XKR3: variants seen among roughly 807,000 people sequenced by gnomAD.
XKR3 encodes the protein XK-related protein 3.
In XKR3, 27 loss-of-function variants were observed where a neutral mutation model predicts 40.3. The observed-to-expected ratio is 0.67, with a 90% CI of 0.49 to 0.92. The LOEUF (loss-of-function observed/expected upper bound fraction) is 0.92. XKR3 is among the 40% of genes least tolerant of loss of function. The pLI, the probability that XKR3 is intolerant of heterozygous loss-of-function variation, is 0.00. For missense variants in XKR3, 472 were observed against 537.6 expected (o/e 0.88, Z 1.21); for synonymous variants, 193 against 195.4 (o/e 0.99, Z 0.10).
intron 1 of XKR3, among the ~76,000 whole-genome samples, chr22:16,808,762 A>G (rs751461941): frequency 2.0e-5 from 3 of 152,204 alleles, no homozygotes; most frequent in Non-Finnish European, 4.4e-5. Flanking sequence ...ACCGCCAGAA[A>G]AATTACTGAC....
chr22:16,794,992 G>C (rs1379951628), intron 3 of XKR3, among the ~76,000 whole-genome samples: 1 of 152,276 alleles, frequency 6.6e-6, no homozygotes, highest in African/African-American at 2.4e-5. Flanking sequence ...CCGATTTGTA[G>C]AACAAGTTCT....
At chr22:16,797,993 G>A (rs1335763906) in intron 3 of XKR3, among the ~76,000 whole-genome samples, 1 of 151,342 alleles carries the variant, frequency 6.6e-6, no homozygotes, top group Non-Finnish European at 1.5e-5. Flanking sequence ...GGCCAATATA[G>A]CAAAACCTTG....
chr22:16,810,223 T>C (rs1459983680), intron 1 of XKR3, among the ~76,000 whole-genome samples: 2 of 152,314 alleles, frequency 1.3e-5, no homozygotes, highest in East Asian at 3.9e-4. Flanking sequence ...AGGAGTCTGT[T>C]GTACATATTC....
chr22:16,815,566 A>G (rs968594940), intron 1 of XKR3, among the ~76,000 whole-genome samples: 1 of 152,014 alleles, frequency 6.6e-6, no homozygotes. Flanking sequence ...ACATTTTTGA[A>G]CCAAGTAAAT....
chr22:16,821,563 G>T (rs566098660), intron 1 of XKR3: 8 of 151,984 alleles, frequency 5.3e-5, no homozygotes, highest in Non-Finnish European at 7.4e-5. Flanking sequence ...TACTCAGCAA[G>T]ATTTCGAAGG....
rs1250334068 is a variant in XKR3 at position 16,783,494 on chromosome 22, T to TAA, written c.*123_*124dup. 18 of 744,288 alleles carry TAA rather than the reference T, an allele frequency of 2.4e-5. No individual in the cohort carries two copies. The African/African-American group carries it at 3.2e-4, about 13-fold the overall frequency. The allele number at this position is 744,288 out of a possible 1,614,324, so 46.1% of individuals were successfully genotyped here. A position where few individuals can be genotyped will look rare whatever the true frequency, so the allele number is the denominator to read the frequency against. On this transcript the variant is annotated 3_prime_UTR_variant, in exon 4 of 4. Transcript: ENST00000684488. ...ACTAAGGCACGTTCACAGGAGAACA[T>TAA]AAATGAATTTTATTAGAAACCACTT...
intron 1 of XKR3, among the ~76,000 whole-genome samples, chr22:16,819,752 C>T (rs970654219): frequency 3.7e-4 from 56 of 152,182 alleles, no homozygotes; most frequent in African/African-American, 1.3e-3. Context: ...TGAAAAAAAT[C>T]TGATAAATTA....
At chr22:16,791,801 G>GAA (rs1319132329) in intron 3 of XKR3, among the ~76,000 whole-genome samples, 18 of 31,144 alleles carry the variant, frequency 5.8e-4, no homozygotes, top group African/African-American at 1.4e-3. Flanking sequence ...GAGAGAGAGA[G>GAA]AGAGAGAGAG....
intron 2 of XKR3, among the ~76,000 whole-genome samples, chr22:16,802,881 A>AT (rs1178161426): frequency 1.3e-5 from 2 of 152,058 alleles, no homozygotes; most frequent in Non-Finnish European, 2.9e-5. Context: ...TTTTCTTTTT[A>AT]TTTTTTTGAC....
At chr22:16,810,650 G>T (rs1423602570) in intron 1 of XKR3, among the ~76,000 whole-genome samples, 3 of 152,144 alleles carry the variant, frequency 2.0e-5, no homozygotes, top group African/African-American at 7.2e-5. Flanking sequence ...TTACAGGAAA[G>T]ATCAACACTA....
chr22:16,796,014 T>C (rs1379999397), intron 3 of XKR3, among the ~76,000 whole-genome samples: 1 of 151,678 alleles, frequency 6.6e-6, no homozygotes, highest in Non-Finnish European at 1.5e-5. Context: ...CAAAACAATA[T>C]AGGCTATATA....
At chr22:16,814,785 T>C (rs951709368) in intron 1 of XKR3, among the ~76,000 whole-genome samples, 3 of 152,146 alleles carry the variant, frequency 2.0e-5, no homozygotes, top group African/African-American at 7.2e-5. Context: ...TGTGTAGGTA[T>C]ATAATTGACT....
chr22:16,817,695 A>G (rs2060239488), intron 1 of XKR3, among the ~76,000 whole-genome samples: 1 of 152,158 alleles, frequency 6.6e-6, no homozygotes, highest in African/African-American at 2.4e-5. Flanking sequence ...ATCCCAAATT[A>G]GTGATATTGG....
rs149718539 is a variant in XKR3, at chr22:16,810,545, C to T, written c.-10-2462G>A. Reference sequence around the variant, plus strand: ...CTCTTTAGTGATCCCCTACCTTCCTCGATTACCTCTTATATTATGTGAGTT... The same window carrying T: ...CTCTTTAGTGATCCCCTACCTTCCTTGATTACCTCTTATATTATGTGAGTT... On this transcript the variant is annotated intron_variant, in intron 1 of 3. Coordinates refer to ENST00000684488, the MANE Select transcript of XKR3 (RefSeq NM_001386955.1). 1.5e-3 allele frequency among the ~76,000 whole-genome samples: 230 copies of T among 152,270 alleles called. 1 individual carries two copies. The highest frequency in any genetic ancestry group is 5.3e-3 in the African/African-American group (222 of 41,544).
Position 16,784,371 on chromosome 22 carries a change from C to T in XKR3, c.628G>A (p.Gly210Arg), listed in dbSNP as rs2060081057. The T allele has an allele frequency of 6.2e-7, 1 of 1,607,304 alleles. No homozygotes were observed. The highest frequency in any genetic ancestry group is 1.1e-5 in the South Asian group (1 of 89,440). ...MTFSLLSVTY[G>R]AIRCNILAIQ... ...GCCAGTATATTGCAGCGAATGGCCCCATAAGTAACTGATAACAGGGAAAAT... is the reference window on the plus strand; with the variant it reads ...GCCAGTATATTGCAGCGAATGGCCCTATAAGTAACTGATAACAGGGAAAAT... The change falls in exon 4 of 4, where the codon GGG becomes AGG. Residue 210 changes from glycine (G) to arginine (R), a missense_variant. Transcript: ENST00000684488.
intron 3 of XKR3, among the ~76,000 whole-genome samples, chr22:16,799,555 A>G (rs1315134979): frequency 6.6e-6 from 1 of 152,058 alleles, no homozygotes; most frequent in Non-Finnish European, 1.5e-5. Context: ...TCAATAAAAT[A>G]AATTGCTGCT....
chr22:16,785,918 A>G (rs1359204514), intron 3 of XKR3, among the ~76,000 whole-genome samples: 1 of 152,110 alleles, frequency 6.6e-6, no homozygotes, highest in Non-Finnish European at 1.5e-5. Context: ...GCCAGAAAAC[A>G]AAAAAAGGCC....
intron 1 of XKR3, among the ~76,000 whole-genome samples, chr22:16,815,846 C>CT (rs1396753915): frequency 6.6e-6 from 1 of 151,834 alleles, no homozygotes; most frequent in African/African-American, 2.4e-5. Flanking sequence ...TGTGACAATG[C>CT]TACTGAGGCA....
Position 16,807,743 on chromosome 22 carries a change from C to T in XKR3, c.331G>A (p.Val111Met). 2 of 1,593,620 alleles carry T rather than the reference C, an allele frequency of 1.3e-6. No homozygotes were observed. Among genetic ancestry groups the T allele is most frequent in the Non-Finnish European group, 1.7e-6 (2 of 1,168,840 alleles). The change falls in exon 2 of 4, where the codon GTG (valine) becomes ATG (methionine). Residue 111 changes from valine to methionine, a missense_variant. Physicochemically the swap from Val to Met is conservative, Grantham distance 21. Coordinates refer to ENST00000684488, the MANE Select transcript of XKR3 (RefSeq NM_001386955.1). Reference sequence around the variant, plus strand: ...AGAAATATTTGTGTCACTTACCTCACAATAGGTCCTAAAAGAAGAATGTGC... The same window carrying T: ...AGAAATATTTGTGTCACTTACCTCATAATAGGTCCTAAAAGAAGAATGTGC... ...FWHILLLGPI[V>M]RCLHTIRNYH...
Sources: allele counts gnomAD v4.1 joint callset (sites outside exome capture counted in the v4.1 genomes callset), GRCh38; gene constraint gnomAD v4.1.1; transcripts MANE v1.5; gene names NCBI Gene and HGNC (gene_info 2026-07-23, HGNC 2026-07-21).